The following CSMD1 variants were observed in gnomAD, a reference collection of about 807,000 sequenced individuals.
CSMD1 encodes the protein CUB and Sushi multiple domains 1, also known as CUB and sushi domain-containing protein 1.
Under a neutral mutation model 417.5 loss-of-function variants are expected in CSMD1, and 213 were observed. That is an observed-to-expected ratio of 0.51 (90% CI 0.46 to 0.57). The LOEUF (loss-of-function observed/expected upper bound fraction) is 0.57. Ranked by LOEUF, CSMD1 falls within the 20% of genes least tolerant of loss-of-function variation. The pLI is 0.00. For missense variants in CSMD1, 6,923 were observed against 4,529.7 expected (o/e 1.53, Z -15.17); for synonymous variants, 2,862 against 1,736.8 (o/e 1.65, Z -16.11).
chr8:3,414,899 T>C (rs1813033844), intron 12 of CSMD1, among the ~76,000 whole-genome samples: 1 of 152,204 alleles, frequency 6.6e-6, no homozygotes, highest in African/African-American at 2.4e-5. Flanking sequence ...GCCTGTATCC[T>C]ACGTGTCTCT....
chr8:4,965,059 T>C (rs1006703532), intron 1 of CSMD1, among the ~76,000 whole-genome samples: 1 of 152,226 alleles, frequency 6.6e-6, no homozygotes, highest in Non-Finnish European at 1.5e-5. Flanking sequence ...ATCAAATATA[T>C]TTCAAAGCCT....
chr8:3,153,869 G>C (rs552272980), intron 39 of CSMD1, among the ~76,000 whole-genome samples: 1 of 152,298 alleles, frequency 6.6e-6, no homozygotes, highest in Admixed American at 6.5e-5. Context: ...TAAAACCACG[G>C]TAATCCTTTG....
intron 3 of CSMD1, among the ~76,000 whole-genome samples, chr8:4,197,958 T>G (rs1223324421): frequency 6.6e-6 from 1 of 152,206 alleles, no homozygotes; most frequent in Non-Finnish European, 1.5e-5. Flanking sequence ...CTTCTATTCA[T>G]TGGCTTGACT....
At chr8:3,256,942 C>T (rs1800697867) in intron 26 of CSMD1, among the ~76,000 whole-genome samples, 1 of 152,162 alleles carries the variant, frequency 6.6e-6, no homozygotes, top group South Asian at 2.1e-4. Flanking sequence ...TTTACATTAT[C>T]TAAAACTCAG....
chr8:3,409,886 G>T (rs191319748), intron 12 of CSMD1, among the ~76,000 whole-genome samples: 3 of 152,298 alleles, frequency 2.0e-5, no homozygotes, highest in Non-Finnish European at 4.4e-5. Context: ...ATTAATCGGT[G>T]CATCTTCTGG....
chr8:4,643,796 T>C (rs946349319), intron 1 of CSMD1, among the ~76,000 whole-genome samples: 7 of 152,198 alleles, frequency 4.6e-5, no homozygotes, highest in African/African-American at 1.7e-4. Flanking sequence ...AAATAATTAA[T>C]TGTGGAAGGA....
intron 3 of CSMD1, among the ~76,000 whole-genome samples, chr8:4,300,235 G>C (rs537724050): frequency 3.3e-5 from 5 of 152,166 alleles, no homozygotes; most frequent in South Asian, 2.1e-4. Flanking sequence ...AATGTATAAA[G>C]TCGTTTGTAA....
At chr8:3,468,289 T>G (rs1244428533) in intron 12 of CSMD1, among the ~76,000 whole-genome samples, 1 of 152,206 alleles carries the variant, frequency 6.6e-6, no homozygotes, top group Non-Finnish European at 1.5e-5. Context: ...GCACAGGGCT[T>G]TCATTTCAAA....
At chr8:3,859,203 G>A (rs751486489) in intron 5 of CSMD1, among the ~76,000 whole-genome samples, 8 of 152,150 alleles carry the variant, frequency 5.3e-5, no homozygotes, top group Non-Finnish European at 8.8e-5. Flanking sequence ...CGTAGCAGAG[G>A]AGTACGTGGG....
chr8:2,996,719 T>A (rs538827563), intron 54 of CSMD1, among the ~76,000 whole-genome samples: 8 of 152,370 alleles, frequency 5.3e-5, no homozygotes, highest in African/African-American at 1.9e-4. Flanking sequence ...AGCAGTGTTT[T>A]GCATCTCCTC....
chr8:3,392,062 C>A (rs936179703), intron 17 of CSMD1, among the ~76,000 whole-genome samples: 1 of 134,850 alleles, frequency 7.4e-6, no homozygotes, highest in Non-Finnish European at 1.5e-5. Flanking sequence ...ACAATGAGAA[C>A]AAATGGATCC....
chr8:3,594,754 G>C (rs903043400), intron 8 of CSMD1, among the ~76,000 whole-genome samples: 1 of 152,132 alleles, frequency 6.6e-6, no homozygotes, highest in East Asian at 1.9e-4. Flanking sequence ...AAGTATGGAA[G>C]AGTGGGAGGC....
At chr8:4,138,944 C>T (rs1420575578) in intron 3 of CSMD1, among the ~76,000 whole-genome samples, 1 of 152,112 alleles carries the variant, frequency 6.6e-6, no homozygotes, top group Non-Finnish European at 1.5e-5. Context: ...GGAATATTAA[C>T]AAACATTGTC....
intron 42 of CSMD1, 128 bp from the exon 43 acceptor site, chr8:3,110,463 G>T: frequency 2.8e-6 from 2 of 707,358 alleles, no homozygotes; most frequent in East Asian, 3.0e-5. Context: ...AAATATTTCT[G>T]AATCACCATT....
At chr8:3,865,105 A>C (rs1454223678) in intron 5 of CSMD1, among the ~76,000 whole-genome samples, 4 of 152,154 alleles carry the variant, frequency 2.6e-5, no homozygotes, top group Non-Finnish European at 5.9e-5. Flanking sequence ...TCCACACACT[A>C]TTCTGGCCTC....
chr8:4,171,176 C>T (rs77251667), intron 3 of CSMD1, among the ~76,000 whole-genome samples: 6 of 151,848 alleles, frequency 4.0e-5, no homozygotes, highest in African/African-American at 1.5e-4. Flanking sequence ...TCCTCTGGAT[C>T]AAATATCCAT....
chr8:3,012,909 G>A (rs1314662786), intron 52 of CSMD1, among the ~76,000 whole-genome samples: 1 of 152,140 alleles, frequency 6.6e-6, no homozygotes, highest in Non-Finnish European at 1.5e-5. Context: ...GGGGGCGGGA[G>A]TTTCTGTTCT....
At chr8:3,265,615 A>G (rs966860047) in intron 26 of CSMD1, among the ~76,000 whole-genome samples, 3 of 152,208 alleles carry the variant, frequency 2.0e-5, no homozygotes, top group African/African-American at 7.2e-5. Flanking sequence ...ACCAAGAGTG[A>G]AGGAGAGGAG....
intron 5 of CSMD1, among the ~76,000 whole-genome samples, chr8:3,933,499 T>C (rs1368116919): frequency 6.6e-6 from 1 of 152,088 alleles, no homozygotes; most frequent in Non-Finnish European, 1.5e-5. Flanking sequence ...ATGGTCTTCT[T>C]TAACAGAGAA....
Sources: allele counts gnomAD v4.1 joint callset (sites outside exome capture counted in the v4.1 genomes callset), GRCh38; gene constraint gnomAD v4.1.1; transcripts MANE v1.5; gene names NCBI Gene and HGNC (gene_info 2026-07-23, HGNC 2026-07-21).